Variants in MOB3B observed in about 807,000 individuals in gnomAD.
MOB3B encodes the protein MOB kinase activator-like 2B.
MOB3B carries 7 observed loss-of-function variants against 18.7 expected under a neutral mutation model. The observed-to-expected ratio is 0.37, with a 90% confidence interval of 0.21 to 0.70. The LOEUF (loss-of-function observed/expected upper bound fraction) is 0.70, where lower values mean the gene tolerates loss of function less well. Ranked by LOEUF, MOB3B falls within the 30% of genes least tolerant of loss-of-function variation. The pLI, the probability that MOB3B is intolerant of heterozygous loss-of-function variation, is 0.52. For synonymous variants in MOB3B, 111 were observed against 99.9 expected (o/e 1.11, Z -0.66); for missense variants, 253 against 281.3 (o/e 0.90, Z 0.72).
In MOB3B at chr9:27,455,374, C is replaced by A; in HGVS notation, c.177G>T (p.Trp59Cys). The A allele has an allele frequency of 6.2e-7, 1 of 1,614,160 alleles. No homozygotes were observed. Among genetic ancestry groups the A allele is most frequent in the Non-Finnish European group, 8.5e-7 (1 of 1,180,032 alleles). The change falls in exon 2 of 4, where the codon TGG becomes TGT. Residue 59 changes from tryptophan to cysteine, a missense_variant. Physicochemically the swap from Trp to Cys is radical, Grantham distance 215 (BLOSUM62 -2). Transcript: ENST00000262244. ...QLPSGEDQNDWVAVHVVDFFN... is the reference protein window; with the variant it reads ...QLPSGEDQNDCVAVHVVDFFN... Reference sequence around the variant, plus strand: ...AGAAGTCCACCACATGTACTGCCACCCAGTCATTCTGGTCCTCCCCACTGG... The same window carrying A: ...AGAAGTCCACCACATGTACTGCCACACAGTCATTCTGGTCCTCCCCACTGG...
intron 2 of MOB3B, chr9:27,421,471 G>A (rs1822248630): frequency 6.6e-6 from 1 of 152,408 alleles, no homozygotes; most frequent in African/African-American, 2.4e-5. Context: ...ATAAAGTGCA[G>A]GTCTTTTTGC....
At chr9:27,426,998 C>T (rs1012564973) in intron 2 of MOB3B, among the ~76,000 whole-genome samples, 2 of 152,136 alleles carry the variant, frequency 1.3e-5, no homozygotes. Context: ...ATTCTAGGTG[C>T]CAATTTAGGA....
At chr9:27,380,384 G>A (rs1202063092) in intron 2 of MOB3B, among the ~76,000 whole-genome samples, 1 of 149,972 alleles carries the variant, frequency 6.7e-6, no homozygotes, top group African/African-American at 2.5e-5. Flanking sequence ...GACTACAGAC[G>A]CCCGCCATGA....
chr9:27,527,049 C>A (rs1820447096), intron 1 of MOB3B, among the ~76,000 whole-genome samples: 1 of 152,078 alleles, frequency 6.6e-6, no homozygotes, highest in Non-Finnish European at 1.5e-5. Context: ...GATATCTCCC[C>A]CTTTTACATT....
In MOB3B at chr9:27,394,356, T is replaced by C. The variant is rs914312266; in HGVS notation, c.419-35120A>G. 3.0e-4 allele frequency: 45 copies of C among 151,840 alleles called. 1 individual carries two copies. Among genetic ancestry groups the C allele is most frequent in the Admixed American group, 2.3e-3 (35 of 15,238 alleles). 9.4% of individuals were successfully genotyped at this position (151,840 alleles called of 1,614,324 possible). On this transcript the variant is annotated intron_variant, in intron 2 of 3. Transcript: ENST00000262244. ...GCTACCACCAAGAGCTAATAAAACA[T>C]GTCAGGAAGTCTCTGTAAGCTGTAA...
At chr9:27,522,071 T>A (rs763640279) in intron 1 of MOB3B, among the ~76,000 whole-genome samples, 1 of 151,134 alleles carries the variant, frequency 6.6e-6, no homozygotes, top group Non-Finnish European at 1.5e-5. Context: ...TGAAACCCTG[T>A]CTCTACTAAA....
intron 2 of MOB3B, among the ~76,000 whole-genome samples, chr9:27,421,949 C>T (rs1358963678): frequency 6.6e-6 from 1 of 152,168 alleles, no homozygotes; most frequent in African/African-American, 2.4e-5. Flanking sequence ...TGGCCTGCCT[C>T]TCCTCCCCAC....
intron 2 of MOB3B, among the ~76,000 whole-genome samples, chr9:27,360,000 T>C (rs1046614066): frequency 6.6e-6 from 1 of 152,224 alleles, no homozygotes; most frequent in African/African-American, 2.4e-5. Context: ...GAATTCTTAC[T>C]CTGCTCCCCT....
intron 1 of MOB3B, among the ~76,000 whole-genome samples, chr9:27,490,118 G>C (rs1400261136): frequency 2.0e-5 from 3 of 152,100 alleles, no homozygotes; most frequent in Admixed American, 2.0e-4. Context: ...TCTTGTTCGA[G>C]CTCTCTGTAA....
At chr9:27,412,263 T>C (rs1456664154) in intron 2 of MOB3B, among the ~76,000 whole-genome samples, 1 of 149,878 alleles carries the variant, frequency 6.7e-6, no homozygotes, top group Admixed American at 6.7e-5. Context: ...CTAGAAATTA[T>C]GCGAGCAGGA....
At chr9:27,408,388 C>T (rs1046834339) in intron 2 of MOB3B, among the ~76,000 whole-genome samples, 1 of 152,104 alleles carries the variant, frequency 6.6e-6, no homozygotes, top group Non-Finnish European at 1.5e-5. Context: ...TGTCTGAGTT[C>T]CCATGAATCT....
chr9:27,504,465 C>T (rs567525878), intron 1 of MOB3B, among the ~76,000 whole-genome samples: 2 of 152,330 alleles, frequency 1.3e-5, no homozygotes, highest in African/African-American at 2.4e-5. Flanking sequence ...CATAGCACAA[C>T]CAGTGGCCAA....
At chr9:27,517,502 G>A (rs112604676) in intron 1 of MOB3B, among the ~76,000 whole-genome samples, 4,927 of 151,832 alleles carry the variant, frequency 0.032, 105 homozygotes, top group Middle Eastern at 0.065. Flanking sequence ...ACAAAAATTA[G>A]CCGGGCGTAG....
intron 1 of MOB3B, among the ~76,000 whole-genome samples, chr9:27,471,566 T>C (rs1819471704): frequency 6.6e-6 from 1 of 152,226 alleles, no homozygotes; most frequent in African/African-American, 2.4e-5. Context: ...TGGAGCTTAC[T>C]ATATCACATT....
chr9:27,441,538 A>G (rs1379968847), intron 2 of MOB3B, among the ~76,000 whole-genome samples: 1 of 152,194 alleles, frequency 6.6e-6, no homozygotes, highest in Non-Finnish European at 1.5e-5. Context: ...GGTAGAGTCT[A>G]CAGTGTGGGT....
intron 2 of MOB3B, among the ~76,000 whole-genome samples, chr9:27,395,037 C>T (rs1821779464): frequency 6.6e-6 from 1 of 152,158 alleles, no homozygotes; most frequent in Non-Finnish European, 1.5e-5. Context: ...CAATAACATT[C>T]TTATCTTGGC....
chr9:27,474,794 T>C (rs1819527375), intron 1 of MOB3B, among the ~76,000 whole-genome samples: 1 of 152,226 alleles, frequency 6.6e-6, no homozygotes, highest in Non-Finnish European at 1.5e-5. Context: ...AGAAATCCAC[T>C]GTTATATATG....
chr9:27,341,917 A>G (rs1350092735), intron 3 of MOB3B, among the ~76,000 whole-genome samples: 1 of 152,226 alleles, frequency 6.6e-6, no homozygotes, highest in Admixed American at 6.5e-5. Flanking sequence ...GGTCAAATCC[A>G]GTCCACACCT....
At chr9:27,485,154 A>G (rs1819715636) in intron 1 of MOB3B, among the ~76,000 whole-genome samples, 1 of 152,332 alleles carries the variant, frequency 6.6e-6, no homozygotes, top group Admixed American at 6.5e-5. Flanking sequence ...AAATACTTCT[A>G]TATATCACTT....
Sources: gnomAD v4.1 joint callset for allele counts (sites outside exome capture counted in the v4.1 genomes callset) on GRCh38, gnomAD v4.1.1 for gene constraint, MANE v1.5 for transcripts, NCBI Gene and HGNC (gene_info 2026-07-23, HGNC 2026-07-21) for gene names.